The following NFX1 variants were observed in gnomAD, a reference collection of about 807,000 sequenced individuals.
NFX1 encodes the protein transcriptional repressor NF-X1.
NFX1 carries 69 observed loss-of-function variants against 137.2 expected under a neutral mutation model. The ratio of observed to expected loss-of-function variants is 0.50; its 90% confidence interval spans 0.41 to 0.61. NFX1 has a LOEUF of 0.61. Among genes scored for constraint, NFX1 ranks in the 20% least tolerant of loss-of-function variants. NFX1 has a pLI of 0.00. For synonymous variants in NFX1, 495 were observed against 474.1 expected, an observed-to-expected ratio of 1.04 and a Z score of -0.57; for missense variants, 1,167 against 1,391.0, an observed-to-expected ratio of 0.84 and a Z score of 2.56.
intron 4 of NFX1, among the ~76,000 whole-genome samples, chr9:33,306,577 G>A (rs1821759856): frequency 6.6e-6 from 1 of 152,194 alleles, no homozygotes; most frequent in Non-Finnish European, 1.5e-5. Context: ...TGTGCAAATT[G>A]CCCAAGTGAG....
intron 5 of NFX1, among the ~76,000 whole-genome samples, chr9:33,307,638 G>A (rs973372724): frequency 3.3e-5 from 5 of 152,170 alleles, no homozygotes; most frequent in Admixed American, 2.6e-4. Context: ...TTGCTTCTAA[G>A]AAGAAATGTG....
chr9:33,310,313 C>T (rs1821917737), intron 5 of NFX1, among the ~76,000 whole-genome samples: 1 of 152,172 alleles, frequency 6.6e-6, no homozygotes, highest in South Asian at 2.1e-4. Context: ...TATACCCCTC[C>T]TACTCCAAAA....
Position 33,313,744 on chromosome 9 carries a change from G to GC in NFX1, c.1540dup (p.Leu514ProfsTer37), listed in dbSNP as rs1189691823. 6.2e-7 allele frequency: 1 copy of GC among 1,614,044 alleles called. No individual in the cohort carries two copies. The highest frequency in any genetic ancestry group is 1.1e-5 in the South Asian group (1 of 91,076). On this transcript the variant is annotated frameshift_variant, in exon 7 of 24. Coordinates refer to ENST00000379540, the MANE Select transcript of NFX1 (RefSeq NM_002504.6). LOFTEE classifies it high-confidence loss of function. ...ACTGTGGTCAGCACCAGTGTGCTGA[G>GC]CTGTGCCATGGGGGTCAGTGCCAGC... is the stretch of plus-strand genomic sequence containing the variant.
chr9:33,364,436 A>C (rs1363997695), intron 20 of NFX1, among the ~76,000 whole-genome samples: 1 of 152,122 alleles, frequency 6.6e-6, no homozygotes, highest in Non-Finnish European at 1.5e-5. Context: ...TCTCACATTC[A>C]CATGCGTTCT....
chr9:33,309,574 A>G (rs1821888256), intron 5 of NFX1, among the ~76,000 whole-genome samples: 2 of 152,168 alleles, frequency 1.3e-5, no homozygotes, highest in African/African-American at 4.8e-5. Flanking sequence ...CCCATTCCCC[A>G]GTAGCACTTT....
chr9:33,368,437 G>T (rs1467339984), intron 23 of NFX1, among the ~76,000 whole-genome samples: 2 of 152,212 alleles, frequency 1.3e-5, no homozygotes, highest in Admixed American at 6.5e-5. Flanking sequence ...TGTTTTCTCA[G>T]ACAGGAGCAG....
chr9:33,330,272 G>T (rs1822755482), intron 10 of NFX1, among the ~76,000 whole-genome samples: 1 of 152,160 alleles, frequency 6.6e-6, no homozygotes, highest in East Asian at 1.9e-4. Context: ...TGAACCGTTG[G>T]TTCTGTTAAA....
At chr9:33,366,994 A>G (rs1331166497) in intron 22 of NFX1, among the ~76,000 whole-genome samples, 2 of 152,252 alleles carry the variant, frequency 1.3e-5, no homozygotes, top group African/African-American at 4.8e-5. Context: ...AAAATGCACA[A>G]GTGTCACATC....
At chr9:33,364,937 T>C (rs1425300446) in intron 21 of NFX1, 163 bp downstream of exon 21, 1 of 1,439,456 alleles carries the variant, frequency 6.9e-7, no homozygotes, top group African/African-American at 1.4e-5. Context: ...CATTATAACA[T>C]CTGTGGAAGC....
chr9:33,313,894 C>A, intron 7 of NFX1, 101 bp downstream of exon 7: 1 of 1,241,390 alleles, frequency 8.1e-7, no homozygotes, highest in Admixed American at 2.0e-5. Context: ...CTTTTAGTCA[C>A]AAAGACCTTG....
chr9:33,295,448 A>G, intron 2 of NFX1, 21 bp downstream of exon 2: 2 of 1,575,684 alleles, frequency 1.3e-6, no homozygotes, highest in Non-Finnish European at 1.7e-6. Context: ...CTAGATAGGA[A>G]ATATTTTGTT....
chr9:33,344,496 G>C (rs899408387), intron 14 of NFX1, among the ~76,000 whole-genome samples: 1 of 152,298 alleles, frequency 6.6e-6, no homozygotes, highest in South Asian at 2.1e-4. Context: ...TTGAAATTTA[G>C]CATCTTTTTA....
rs10971478 is a variant in NFX1, at chr9:33,353,012, G to A, written c.2729+293G>A. The A allele has an allele frequency of 9.8e-3, 3,022 of 309,480 alleles. 30 individuals are homozygous for A. Among genetic ancestry groups the A allele is most frequent in the Non-Finnish European group, 0.012 (2,049 of 166,130 alleles). 19.2% of individuals were successfully genotyped at this position (309,480 alleles called of 1,614,324 possible). On this transcript the variant is annotated intron_variant, in intron 17 of 23. Transcript: ENST00000379540. ...CCCACCTTGGCCTCCCAAAGTGCTG[G>A]GATCACAGGCGTGAGCCACTACACC...
chr9:33,364,726 CAG>C lies in NFX1; in HGVS notation c.2992_2993del (p.Ser998Ter). 6.2e-7 allele frequency: 1 copy of C among 1,613,272 alleles called. No individual in the cohort carries two copies. The highest frequency in any genetic ancestry group is 8.5e-7 in the Non-Finnish European group (1 of 1,179,772). On this transcript the variant is annotated frameshift_variant, in exon 21 of 24. Coordinates refer to ENST00000379540, the MANE Select transcript of NFX1 (RefSeq NM_002504.6). LOFTEE classifies it high-confidence loss of function. ...EDARKDLKFV[S>X]DVEKEMETLV... is the part of the protein sequence containing the mutation. ...ATTTCAGGAAGGACTTAAAGTTTGTCAGTGACGTTGAGAAGGAAATGGAAACC... is the reference window on the plus strand; with the variant it reads ...ATTTCAGGAAGGACTTAAAGTTTGTCTGACGTTGAGAAGGAAATGGAAACC...
At chr9:33,317,438 AAG>A (rs1822207169) in intron 7 of NFX1, among the ~76,000 whole-genome samples, 1 of 150,812 alleles carries the variant, frequency 6.6e-6, no homozygotes, top group South Asian at 2.1e-4. Flanking sequence ...AAAAAAAAGA[AAG>A]AAAGAAAAGA....
chr9:33,295,645 A>G (rs1431403378), intron 2 of NFX1, among the ~76,000 whole-genome samples: 1 of 152,340 alleles, frequency 6.6e-6, no homozygotes, highest in Non-Finnish European at 1.5e-5. Context: ...GCAAATACAA[A>G]TAAGAATTCT....
chr9:33,331,122 C>G (rs747281736), intron 10 of NFX1, among the ~76,000 whole-genome samples: 2 of 151,888 alleles, frequency 1.3e-5, no homozygotes, highest in Non-Finnish European at 2.9e-5. Flanking sequence ...ACCGAGATTG[C>G]ACCACTGCGC....
intron 14 of NFX1, among the ~76,000 whole-genome samples, chr9:33,344,802 G>T (rs553258479): frequency 6.6e-6 from 1 of 151,340 alleles, no homozygotes; most frequent in Non-Finnish European, 1.5e-5. Context: ...GGAGGCAGAG[G>T]TTGCAGTAAG....
intron 4 of NFX1, among the ~76,000 whole-genome samples, chr9:33,305,242 C>A (rs977577289): frequency 1.3e-5 from 2 of 152,268 alleles, no homozygotes; most frequent in Middle Eastern, 3.4e-3. Context: ...GGGGTAGTTA[C>A]GACTTACAGC....
Sources: gnomAD v4.1 joint callset for allele counts (sites outside exome capture counted in the v4.1 genomes callset) on GRCh38, gnomAD v4.1.1 for gene constraint, MANE v1.5 for transcripts, NCBI Gene and HGNC (gene_info 2026-07-23, HGNC 2026-07-21) for gene names.